Variants in CFTR observed in about 807,000 individuals in gnomAD.
CFTR encodes cystic fibrosis transmembrane conductance regulator.
A neutral mutation model predicts 171.6 loss-of-function variants in CFTR; 181 were observed. That is an observed-to-expected ratio of 1.05 (90% CI 0.93 to 1.19). The LOEUF is 1.19. Among genes scored for constraint, CFTR ranks in the 50% most tolerant of loss-of-function variants. CFTR has a pLI of 0.00. For missense variants in CFTR, 1,968 were observed against 1,734.7 expected (o/e 1.13, Z -2.39); for synonymous variants, 583 against 608.0 (o/e 0.96, Z 0.60).
intron 21 of CFTR, among the ~76,000 whole-genome samples, chr7:117,625,786 C>T (rs1361774179): frequency 2.6e-5 from 4 of 152,052 alleles, no homozygotes; most frequent in Admixed American, 2.6e-4. Flanking sequence ...AGTTTCATCT[C>T]AATAGTAGTT....
chr7:117,586,792 G>C (rs1231995107), intron 11 of CFTR, among the ~76,000 whole-genome samples: 1 of 151,624 alleles, frequency 6.6e-6, no homozygotes, highest in Non-Finnish European at 1.5e-5. Flanking sequence ...TTTTTAAGGC[G>C]AGAGTTTACT....
At chr7:117,510,258 C>T (rs138121767) in intron 3 of CFTR, among the ~76,000 whole-genome samples, 3,346 of 151,624 alleles carry the variant, frequency 0.022, 66 homozygotes, top group Middle Eastern at 0.099. Context: ...TTTAAGTTAC[C>T]TTTGAGATGA....
At chr7:117,537,428 C>A (rs1798975968) in intron 7 of CFTR, among the ~76,000 whole-genome samples, 1 of 152,172 alleles carries the variant, frequency 6.6e-6, no homozygotes, top group Non-Finnish European at 1.5e-5. Flanking sequence ...CCATGTTCTA[C>A]AAACTTCAAT....
rs397508216 is a variant in CFTR at position 117,559,558 on chromosome 7, G to A, written c.1487G>A (p.Trp496Ter). The change falls in exon 11 of 27, where the codon TGG (tryptophan) becomes TAG (stop). Residue 496 changes from tryptophan to a stop codon, truncating the protein, a stop_gained. Transcript: ENST00000003084. LOFTEE classifies it high-confidence loss of function. ...ATTTCATTCTGTTCTCAGTTTTCCT[G>A]GATTATGCCTGGCACCATTAAAGAA... The part of the protein sequence containing the change: ...GRISFCSQFS[W>*]IMPGTIKENI... 6.2e-7 allele frequency: 1 copy of A among 1,612,180 alleles called. No homozygotes were observed. Among genetic ancestry groups the A allele is most frequent in the Non-Finnish European group, 8.5e-7 (1 of 1,178,466 alleles).
Position 117,548,741 on chromosome 7 carries a change from G to A in CFTR, c.1310G>A (p.Gly437Asp), listed in dbSNP as rs765791986. 14 of 1,613,034 alleles carry A rather than the reference G, an allele frequency of 8.7e-6. No homozygotes were observed. Among genetic ancestry groups the A allele is most frequent in the Admixed American group, 1.7e-5 (1 of 59,902 alleles). Reference sequence around the variant, plus strand: ...TTCTTCAGTAATTTCTCACTTCTTGGTACTCCTGTCCTGAAAGATATTAAT... The same window carrying A: ...TTCTTCAGTAATTTCTCACTTCTTGATACTCCTGTCCTGAAAGATATTAAT... The part of the protein sequence containing the change: ...SLFFSNFSLL[G>D]TPVLKDINFK... Residue 437 changes from glycine (G) to aspartate (D), a missense_variant, in exon 10 of 27, where the codon GGT becomes GAT. Gly to Asp is a moderately conservative substitution (Grantham distance 94, BLOSUM62 -1). Transcript: ENST00000003084.
At chr7:117,568,086 G>GA (rs1232716164) in intron 11 of CFTR, among the ~76,000 whole-genome samples, 4 of 152,160 alleles carry the variant, frequency 2.6e-5, no homozygotes, top group South Asian at 2.1e-4. Context: ...AGTCACTTCT[G>GA]TGTGGCTGGG....
In CFTR at chr7:117,595,074, TGTAAA is replaced by T. The variant is rs1562909051; in HGVS notation, c.2619+20_2619+24del. 6.2e-7 allele frequency: 1 copy of T among 1,604,848 alleles called. No homozygotes were observed. Among genetic ancestry groups the T allele is most frequent in the Admixed American group, 1.7e-5 (1 of 59,972 alleles). ...TCTGGCAGAGGTAAGAATGTTCTATTGTAAAGTATTACTGGATTTAAAGTTAAATT... is the reference window on the plus strand; with the variant it reads ...TCTGGCAGAGGTAAGAATGTTCTATTGTATTACTGGATTTAAAGTTAAATT... On this transcript the variant is annotated intron_variant, in intron 15 of 26. Coordinates refer to ENST00000003084, the MANE Select transcript of CFTR (RefSeq NM_000492.4).
chr7:117,582,435 G>A (rs1791862354), intron 11 of CFTR, among the ~76,000 whole-genome samples: 1 of 152,154 alleles, frequency 6.6e-6, no homozygotes, highest in Non-Finnish European at 1.5e-5. Context: ...CAGGAGAAAG[G>A]ACACTTGGAT....
chr7:117,663,801 A>C (rs1793325506), intron 24 of CFTR, among the ~76,000 whole-genome samples: 2 of 152,210 alleles, frequency 1.3e-5, no homozygotes, highest in Admixed American at 1.3e-4. Flanking sequence ...TTTGGCCTTC[A>C]TACACTCAGG....
At chr7:117,566,032 A>G (rs998131369) in intron 11 of CFTR, among the ~76,000 whole-genome samples, 9 of 152,184 alleles carry the variant, frequency 5.9e-5, no homozygotes, top group African/African-American at 1.7e-4. Context: ...TGGTCAATCC[A>G]CCACTGTAGG....
At chr7:117,536,821 G>C in intron 7 of CFTR, 148 bp downstream of exon 7, 1 of 720,798 alleles carries the variant, frequency 1.4e-6, no homozygotes, top group Non-Finnish European at 2.3e-6. Context: ...TCATGCATTA[G>C]TTGCACAAAT....
Position 117,530,903 on chromosome 7 carries a change from T to G in CFTR, c.278T>G (p.Val93Gly). The part of the protein sequence containing the change: ...FYGIFLYLGE[V>G]TKAVQPLLLG... ...TCTGTTTTTCCCCTTTTGTAGGAAG[T>G]CACCAAAGCAGTACAGCCTCTCTTA... Residue 93 changes from valine to glycine, a missense_variant, in exon 4 of 27, where the codon GTC becomes GGC. Val to Gly is a moderately radical substitution (Grantham distance 109). Transcript: ENST00000003084. 6.2e-7 allele frequency: 1 copy of G among 1,605,822 alleles called. No homozygotes were observed. Among genetic ancestry groups the G allele is most frequent in the Non-Finnish European group, 8.5e-7 (1 of 1,173,080 alleles).
rs1792128743 is a variant in CFTR, at chr7:117,596,494, G to A, written c.2619+1436G>A. ...AGACCGCCCAAGGGCTGAGGAGTGT[G>A]GGTGCAGGGCGCAGGGCTGGCAGGC... On this transcript the variant is annotated intron_variant, in intron 15 of 26. Coordinates refer to ENST00000003084, the MANE Select transcript of CFTR (RefSeq NM_000492.4). Among the ~76,000 whole-genome samples the A allele has an allele frequency of 2.0e-5, 3 of 152,262 alleles. No homozygotes were observed. The South Asian group carries it at 6.2e-4, about 31-fold the overall frequency.
Position 117,531,002 on chromosome 7 carries a change from G to T in CFTR, c.377G>T (p.Gly126Val), listed in dbSNP as rs397508609. 4 of 1,613,626 alleles carry T rather than the reference G, an allele frequency of 2.5e-6. No homozygotes were observed. The African/African-American group carries it at 5.3e-5, about 22-fold the overall frequency. The change falls in exon 4 of 27, where the codon GGC becomes GTC. Residue 126 changes from glycine to valine, a missense_variant. Coordinates refer to ENST00000003084, the MANE Select transcript of CFTR (RefSeq NM_000492.4). ...TCTATCGCGATTTATCTAGGCATAGGCTTATGCCTTCTCTTTATTGTGAGG... is the reference window on the plus strand; with the variant it reads ...TCTATCGCGATTTATCTAGGCATAGTCTTATGCCTTCTCTTTATTGTGAGG... ...ERSIAIYLGI[G>V]LCLLFIVRTL...
At chr7:117,613,042 TTTG>T (rs1036478684) in intron 20 of CFTR, among the ~76,000 whole-genome samples, 2 of 152,092 alleles carry the variant, frequency 1.3e-5, no homozygotes, top group African/African-American at 4.8e-5. Context: ...GTTCACCACC[TTTG>T]TTGTTCTCTC....
chr7:117,644,685 C>T (rs1170981131), intron 23 of CFTR, among the ~76,000 whole-genome samples: 1 of 152,150 alleles, frequency 6.6e-6, no homozygotes, highest in African/African-American at 2.4e-5. Context: ...TTAGTTTTGG[C>T]AGGTCCTTGC....
rs397508784 is a variant in CFTR, at chr7:117,535,377, C to G, written c.709C>G (p.Gln237Glu). Residue 237 changes from glutamine (Q) to glutamate (E), a missense_variant, in exon 6 of 27, where the codon CAG becomes GAG. Transcript: ENST00000003084. The part of the protein sequence containing the change: ...LGFLIVLALF[Q>E]AGLGRMMMKY... ...TTTCCTGATAGTCCTTGCCCTTTTT[C>G]AGGCTGGGCTAGGGAGAATGATGAT... is the stretch of plus-strand genomic sequence containing the variant. 1.2e-5 allele frequency: 20 copies of G among 1,613,994 alleles called. 1 individual carries two copies. In the South Asian group the frequency reaches 2.2e-4, roughly 18 times the overall value.
At chr7:117,485,977 A>G (rs1466549731) in intron 1 of CFTR, among the ~76,000 whole-genome samples, 4 of 152,106 alleles carry the variant, frequency 2.6e-5, no homozygotes, top group Non-Finnish European at 5.9e-5. Context: ...ATGACATTCA[A>G]CAGTCCTGCA....
chr7:117,556,128 G>A (rs1434714599), intron 10 of CFTR, among the ~76,000 whole-genome samples: 2 of 152,022 alleles, frequency 1.3e-5, no homozygotes, highest in Admixed American at 6.6e-5. Context: ...ACAGTGGTGC[G>A]ATCTCGGCTC....
Sources: allele counts gnomAD v4.1 joint callset (sites outside exome capture counted in the v4.1 genomes callset), GRCh38; gene constraint gnomAD v4.1.1; transcripts MANE v1.5; gene names NCBI Gene and HGNC (gene_info 2026-07-23, HGNC 2026-07-21).